Variants in FTO observed in about 807,000 individuals in gnomAD.
FTO encodes FTO alpha-ketoglutarate dependent dioxygenase.
Under a neutral mutation model 63.9 loss-of-function variants are expected in FTO, and 47 were observed. The ratio of observed to expected loss-of-function variants is 0.74; its 90% CI spans 0.58 to 0.94. The LOEUF (loss-of-function observed/expected upper bound fraction) is 0.94, where lower values mean the gene tolerates loss of function less well. Among genes scored for constraint, FTO ranks in the 40% least tolerant of loss-of-function variants. The pLI is 0.00. For missense variants in FTO, 562 were observed against 618.1 expected (o/e 0.91, Z 0.96); for synonymous variants, 207 against 224.4 (o/e 0.92, Z 0.69).
intron 8 of FTO, among the ~76,000 whole-genome samples, chr16:54,066,516 C>T (rs572596657): frequency 3.3e-5 from 5 of 152,322 alleles, no homozygotes; most frequent in Middle Eastern, 6.8e-3. Context: ...GGGAAAATCC[C>T]GTGAAAGGAA....
intron 1 of FTO, among the ~76,000 whole-genome samples, chr16:53,795,449 T>TG (rs879656922): frequency 6.7e-6 from 1 of 149,658 alleles, no homozygotes; most frequent in Non-Finnish European, 1.5e-5. Flanking sequence ...GCTAATACAT[T>TG]TGTGTGTGTG....
At chr16:54,083,965 T>C (rs2086206629) in intron 8 of FTO, among the ~76,000 whole-genome samples, 1 of 152,144 alleles carries the variant, frequency 6.6e-6, no homozygotes, top group South Asian at 2.1e-4. Context: ...AAATCTGAAA[T>C]CCGAAATGCT....
chr16:53,771,144 A>G (rs914817543), intron 1 of FTO, among the ~76,000 whole-genome samples: 1 of 152,174 alleles, frequency 6.6e-6, no homozygotes, highest in Admixed American at 6.6e-5. Flanking sequence ...AAACATTTCA[A>G]GCAACTCTGA....
intron 1 of FTO, 44 bp from the exon 2 acceptor site, chr16:53,810,096 G>C (rs776478628): frequency 7.8e-7 from 1 of 1,284,794 alleles, no homozygotes; most frequent in African/African-American, 1.5e-5. Flanking sequence ...TCTTACTTTG[G>C]GTTATTGCAT....
At chr16:54,002,959 G>A (rs2084103898) in intron 8 of FTO, among the ~76,000 whole-genome samples, 1 of 152,232 alleles carries the variant, frequency 6.6e-6, no homozygotes, top group Non-Finnish European at 1.5e-5. Flanking sequence ...CCCCTGGGGG[G>A]CTCTGGTGTG....
chr16:53,996,469 T>C lies in FTO; in HGVS notation c.1364+62360T>C, dbSNP rs1247779612. ...AGAAACATTATATTTTAATCTTGGATATTCCTAGCACTATGCAGGATTCTG... is the reference window on the plus strand; with the variant it reads ...AGAAACATTATATTTTAATCTTGGACATTCCTAGCACTATGCAGGATTCTG... On this transcript the variant is annotated intron_variant, in intron 8 of 8. Transcript: ENST00000471389. Among the ~76,000 whole-genome samples the C allele has an allele frequency of 2.0e-5, 3 of 152,202 alleles. No homozygotes were observed. In the East Asian group the frequency reaches 5.8e-4, roughly 29 times the overall value.
intron 1 of FTO, among the ~76,000 whole-genome samples, chr16:53,784,183 T>G (rs143041224): frequency 2.2e-3 from 341 of 152,372 alleles, no homozygotes; most frequent in African/African-American, 8.0e-3. Context: ...AAAGATTCTA[T>G]GTACTTTTCA....
At chr16:54,109,995 G>C (rs1430511527) in intron 8 of FTO, among the ~76,000 whole-genome samples, 2 of 152,150 alleles carry the variant, frequency 1.3e-5, no homozygotes, top group African/African-American at 4.8e-5. Context: ...CTAGGATTCT[G>C]AGACAGAGAG....
Position 54,045,009 on chromosome 16 carries a change from A to C in FTO, c.1365-66753A>C, listed in dbSNP as rs549023891. Among the ~76,000 whole-genome samples, 2 of 105,242 alleles carry C rather than the reference A, an allele frequency of 1.9e-5. 1 individual carries two copies. Among genetic ancestry groups the C allele is most frequent in the East Asian group, 6.0e-4 (2 of 3,348 alleles). 69.0% of individuals were successfully genotyped at this position (105,242 alleles called of 152,430 possible). A position where few individuals can be genotyped will look rare whatever the true frequency, so the allele number is the denominator to read the frequency against. On this transcript the variant is annotated intron_variant, in intron 8 of 8. Coordinates refer to ENST00000471389, the MANE Select transcript of FTO (RefSeq NM_001080432.3). ...CAAATGCCTACAGGAGAAAGCAGGAAAGATCCAAAATTGACACCCTAACAT... is the reference window on the plus strand; with the variant it reads ...CAAATGCCTACAGGAGAAAGCAGGACAGATCCAAAATTGACACCCTAACAT...
At chr16:53,755,696 G>T (rs1349526951) in intron 1 of FTO, among the ~76,000 whole-genome samples, 1 of 152,190 alleles carries the variant, frequency 6.6e-6, no homozygotes, top group Non-Finnish European at 1.5e-5. Context: ...AGCCTCCCCT[G>T]CAACGGGGTG....
chr16:53,760,629 T>C (rs1357143624), intron 1 of FTO, among the ~76,000 whole-genome samples: 4 of 147,662 alleles, frequency 2.7e-5, no homozygotes, highest in East Asian at 2.0e-4. Context: ...TTCTTTTTTT[T>C]TTTTTTTTTT....
intron 8 of FTO, among the ~76,000 whole-genome samples, chr16:54,055,659 A>G (rs1474544161): frequency 1.3e-5 from 2 of 152,232 alleles, no homozygotes; most frequent in Non-Finnish European, 2.9e-5. Context: ...CTAGGAAGAA[A>G]CAAGTCGATT....
At chr16:53,957,700 T>G (rs1434570389) in intron 8 of FTO, among the ~76,000 whole-genome samples, 1 of 152,260 alleles carries the variant, frequency 6.6e-6, no homozygotes, top group Non-Finnish European at 1.5e-5. Flanking sequence ...TTCCCTAAAT[T>G]TCCACTACTG....
intron 1 of FTO, among the ~76,000 whole-genome samples, chr16:53,745,987 C>T (rs778685997): frequency 1.3e-5 from 2 of 152,136 alleles, no homozygotes; most frequent in Non-Finnish European, 2.9e-5. Flanking sequence ...AATCATACTG[C>T]ATAATGTATA....
intron 1 of FTO, among the ~76,000 whole-genome samples, chr16:53,724,194 A>C (rs1197420016): frequency 6.6e-6 from 1 of 152,226 alleles, no homozygotes; most frequent in Non-Finnish European, 1.5e-5. Flanking sequence ...GACAAGGAGT[A>C]TTGGGGAGTT....
intron 3 of FTO, 62 bp from the exon 4 acceptor site, chr16:53,844,093 T>C: frequency 7.6e-7 from 1 of 1,314,706 alleles, no homozygotes; most frequent in Non-Finnish European, 1.1e-6. Context: ...AAATAACAAT[T>C]ATAAAATTCA....
intron 8 of FTO, among the ~76,000 whole-genome samples, chr16:53,953,857 G>A (rs557343881): frequency 4.6e-5 from 7 of 152,360 alleles, no homozygotes; most frequent in Admixed American, 1.3e-4. Flanking sequence ...TATAGGTACA[G>A]TGTCCATTCT....
In FTO at chr16:53,859,548, G is replaced by T. The variant is rs370509870; in HGVS notation, c.896-14238G>T. On this transcript the variant is annotated intron_variant, in intron 4 of 8. Coordinates refer to ENST00000471389, the MANE Select transcript of FTO (RefSeq NM_001080432.3). ...CACTGTATATTAAATATATTTTAAT[G>T]ATATTTATATATATATCATATATAA... Among the ~76,000 whole-genome samples, 19 of 148,254 alleles carry T rather than the reference G, an allele frequency of 1.3e-4. No homozygotes were observed. In the East Asian group the frequency reaches 3.7e-3, roughly 29 times the overall value.
chr16:53,970,285 C>T (rs1385690185), intron 8 of FTO, among the ~76,000 whole-genome samples: 2 of 151,986 alleles, frequency 1.3e-5, no homozygotes, highest in East Asian at 1.9e-4. Context: ...AGAGGGAAGC[C>T]GACTTGGGTG....
Sources: gnomAD v4.1 joint callset for allele counts (sites outside exome capture counted in the v4.1 genomes callset) on GRCh38, gnomAD v4.1.1 for gene constraint, MANE v1.5 for transcripts, NCBI Gene and HGNC (gene_info 2026-07-23, HGNC 2026-07-21) for gene names.